TMEM150A: variants seen among roughly 807,000 people sequenced by gnomAD.
TMEM150A encodes the protein fasting-inducible integral membrane protein TM6P1.
TMEM150A carries 18 observed loss-of-function variants against 29.8 expected under a neutral mutation model. That is an observed-to-expected ratio of 0.60 (90% CI 0.42 to 0.90). The LOEUF is 0.90. TMEM150A is among the 40% of genes least tolerant of loss of function. The pLI is 0.00. For synonymous variants in TMEM150A, 127 were observed against 143.6 expected (o/e 0.88, Z 0.83); for missense variants, 251 against 349.7 (o/e 0.72, Z 2.25).
chr2:85,601,824 AAG>A lies in TMEM150A; in HGVS notation c.65+58_65+59del. The A allele has an allele frequency of 6.3e-7, 1 of 1,591,396 alleles. No homozygotes were observed. The highest frequency in any genetic ancestry group is 8.6e-7 in the Non-Finnish European group (1 of 1,160,858). On this transcript the variant is annotated intron_variant, in intron 2 of 7. Coordinates refer to ENST00000334462, the MANE Select transcript of TMEM150A (RefSeq NM_001031738.3). This position sits in a 1 kb window ranked among gnomAD's most constrained non-coding sequence, Gnocchi z 4.0. ...GGTACCACCGTGGCTATGACAGGAC[AAG>A]AGACTTTGTGTGCGTCATCAAGCTC...
Position 85,601,290 on chromosome 2 carries a change from T to C in TMEM150A, c.113+145A>G. 8.2e-7 allele frequency: 1 copy of C among 1,216,656 alleles called. No homozygotes were observed. Among genetic ancestry groups the C allele is most frequent in the Non-Finnish European group, 1.2e-6 (1 of 820,310 alleles). 75.4% of individuals were successfully genotyped at this position (1,216,656 alleles called of 1,614,324 possible). A position where few individuals can be genotyped will look rare whatever the true frequency, so the allele number is the denominator to read the frequency against. ...AAAGGGATAGTGGGAAGTGGGTAGG[T>C]GGCAAGAAGCCATGCCTGGGGACCA... On this transcript the variant is annotated intron_variant, in intron 3 of 7. Transcript: ENST00000334462. This position sits in a 1 kb window ranked among gnomAD's most constrained non-coding sequence, Gnocchi z 4.0.
chr2:85,599,310 G>T lies in TMEM150A; in HGVS notation c.582C>A (p.Val194=), dbSNP rs375409745. 1.9e-6 allele frequency: 3 copies of T among 1,613,830 alleles called. No individual in the cohort carries two copies. The African/African-American group carries it at 4.0e-5, about 22-fold the overall frequency. ...IAFITLVLSG[V]FFVHESSQLQ... is the part of the protein sequence containing the mutation. The stretch of plus-strand genomic sequence containing the variant: ...GCTGAGAACTCTCATGGACAAAGAA[G>T]ACTCCACCTAAAACGAGGCTAAGGA... The change falls in exon 8 of 8, where the codon GTC becomes GTA. Residue 194 remains valine (V), a synonymous_variant. Coordinates refer to ENST00000334462, the MANE Select transcript of TMEM150A (RefSeq NM_001031738.3). This position sits in a 1 kb window ranked among gnomAD's most constrained non-coding sequence, Gnocchi z 6.0.
rs1265510044 is a variant in TMEM150A at position 85,602,103 on chromosome 2, G to T, written c.-116-39C>A. On this transcript the variant is annotated intron_variant, in intron 1 of 7. Transcript: ENST00000334462. This position sits in a 1 kb window ranked among gnomAD's most constrained non-coding sequence, Gnocchi z 5.6. ...ATCAAAGTCCAGGAGTGGGTAACTG[G>T]CCGGGAAGGGGGAGGGGAAGGGGGT... is the stretch of plus-strand genomic sequence containing the variant. 14 of 666,692 alleles carry T rather than the reference G, an allele frequency of 2.1e-5. No individual in the cohort carries two copies. The highest frequency in any genetic ancestry group is 2.0e-4 in the South Asian group (12 of 58,724). 41.3% of individuals were successfully genotyped at this position (666,692 alleles called of 1,614,324 possible).
Position 85,601,665 on chromosome 2 carries a change from C to T in TMEM150A, c.66-183G>A. The T allele has an allele frequency of 1.2e-6, 1 of 842,434 alleles. No individual in the cohort carries two copies. The highest frequency in any genetic ancestry group is 1.6e-5 in the South Asian group (1 of 60,936). 52.2% of individuals were successfully genotyped at this position (842,434 alleles called of 1,614,324 possible). On this transcript the variant is annotated intron_variant, in intron 2 of 7. Transcript: ENST00000334462. The surrounding 1 kb of genome is among the most constrained non-coding windows in gnomAD (Gnocchi z 4.0). Reference sequence around the variant, plus strand: ...CCTGCAGCATGCCCCCAGCTACAGGCCCTCTGGAAATTGCCCTGGCTAGAA... The same window carrying T: ...CCTGCAGCATGCCCCCAGCTACAGGTCCTCTGGAAATTGCCCTGGCTAGAA...
At position 85,599,196 on chromosome 2, in the gene TMEM150A, G is replaced by C. The variant is rs1324329663; in HGVS notation, c.696C>G (p.Val232=). 5.6e-6 allele frequency: 9 copies of C among 1,613,898 alleles called. No individual in the cohort carries two copies. Among genetic ancestry groups the C allele is most frequent in the Middle Eastern group, 3.3e-4 (2 of 6,062 alleles). The change falls in exon 8 of 8, where the codon GTC becomes GTG. Residue 232 remains valine (V), a synonymous_variant. Coordinates refer to ENST00000334462, the MANE Select transcript of TMEM150A (RefSeq NM_001031738.3). The surrounding 1 kb of genome is among the most constrained non-coding windows in gnomAD (Gnocchi z 6.0). ...GTGCAGCCACCAGTGTGTCTGAGGA[G>C]ACTGCCCCAAACTCGTAGCTGAAGG... ...YGTFSYEFGA[V]SSDTLVAALQ...
intron 4 of TMEM150A, 102 bp downstream of exon 4, chr2:85,600,919 T>C (rs2104097541): frequency 1.8e-6 from 2 of 1,082,674 alleles, no homozygotes. Context: ...AAGTGGCTCT[T>C]AGGATACTTA....
chr2:85,601,039 TCCAGGGTGC>T lies in TMEM150A; in HGVS notation c.173_181del (p.Cys58_Asp61delinsTyr). On this transcript the variant is annotated inframe_deletion, in exon 4 of 8. Coordinates refer to ENST00000334462, the MANE Select transcript of TMEM150A (RefSeq NM_001031738.3). The surrounding 1 kb of genome is among the most constrained non-coding windows in gnomAD (Gnocchi z 4.0). ...GCCTTACCTGATGAGGGGGACATCG[TCCAGGGTGC>T]AGCAGGTCTTGGGACCCCCTTGCTC... 6.2e-7 allele frequency: 1 copy of T among 1,612,718 alleles called. No individual in the cohort carries two copies. Among genetic ancestry groups the T allele is most frequent in the South Asian group, 1.1e-5 (1 of 90,982 alleles).
At position 85,599,365 on chromosome 2, in the gene TMEM150A, C is replaced by A. The variant is rs780188153; in HGVS notation, c.575-48G>T. On this transcript the variant is annotated intron_variant, in intron 7 of 7. Coordinates refer to ENST00000334462, the MANE Select transcript of TMEM150A (RefSeq NM_001031738.3). This position sits in a 1 kb window ranked among gnomAD's most constrained non-coding sequence, Gnocchi z 6.0. ...TTCAGTAGGACATACGGAAACCTGG[C>A]AACACCCCTTCTGCAGTCTCAGGCC... 6 of 1,606,118 alleles carry A rather than the reference C, an allele frequency of 3.7e-6. No homozygotes were observed. The African/African-American group carries it at 8.0e-5, about 22-fold the overall frequency.
chr2:85,601,380 G>A lies in TMEM150A; in HGVS notation c.113+55C>T, dbSNP rs890191721. 6 of 1,603,540 alleles carry A rather than the reference G, an allele frequency of 3.7e-6. No individual in the cohort carries two copies. The African/African-American group carries it at 4.0e-5, about 11-fold the overall frequency. The stretch of plus-strand genomic sequence containing the variant: ...GCTCGTGGCAGCCTCAGGCCCAAGA[G>A]GGGACAGAGATGAAGGAAGCTTTAG... On this transcript the variant is annotated intron_variant, in intron 3 of 7. Transcript: ENST00000334462. The surrounding 1 kb of genome is among the most constrained non-coding windows in gnomAD (Gnocchi z 4.0).
chr2:85,601,080 G>A lies in TMEM150A; in HGVS notation c.141C>T (p.Asp47=), dbSNP rs139036419. The A allele has an allele frequency of 3.7e-6, 6 of 1,612,606 alleles. No individual in the cohort carries two copies. The African/African-American group carries it at 5.3e-5, about 14-fold the overall frequency. The change falls in exon 4 of 8, where the codon GAC becomes GAT. Residue 47 remains aspartate (D), a synonymous_variant. Coordinates refer to ENST00000334462, the MANE Select transcript of TMEM150A (RefSeq NM_001031738.3). The surrounding 1 kb of genome is among the most constrained non-coding windows in gnomAD (Gnocchi z 4.0). ...TCTTGGGACCCCCTTGCTCAGCAGG[G>A]TCAGGAGGGCAGGACTCGTTGTAGG... is the stretch of plus-strand genomic sequence containing the variant. ...NWSYNESCPP[D]PAEQGGPKTC... is the part of the protein sequence containing the mutation.
At position 85,601,994 on chromosome 2, in the gene TMEM150A, A is replaced by C; in HGVS notation, c.-46T>G. On this transcript the variant is annotated 5_prime_UTR_variant, in exon 2 of 8. Coordinates refer to ENST00000334462, the MANE Select transcript of TMEM150A (RefSeq NM_001031738.3). This position sits in a 1 kb window ranked among gnomAD's most constrained non-coding sequence, Gnocchi z 4.0. ...GTGGTGGTGTTGGGGGGAGGACAAG[A>C]GGTAGATGGGGAAGTGGGGGCGGAC... 6.3e-7 allele frequency: 1 copy of C among 1,586,588 alleles called. No individual in the cohort carries two copies. The highest frequency in any genetic ancestry group is 1.7e-4 in the Middle Eastern group (1 of 5,996).
chr2:85,600,635 G>C, intron 4 of TMEM150A: 2 of 578,848 alleles, frequency 3.5e-6, no homozygotes, highest in South Asian at 2.1e-5. Context: ...AGGAGTGTTC[G>C]GGCAACCCTG....
rs754857872 is a variant in TMEM150A, at chr2:85,601,422, G to A, written c.113+13C>T. The A allele has an allele frequency of 4.3e-6, 7 of 1,613,834 alleles. No individual in the cohort carries two copies. In the South Asian group the frequency reaches 7.7e-5, roughly 18 times the overall value. ...AAGCTTTAGAGCAAGGTTGTCTGCA[G>A]AGTCCTTCATACCAGTTCTCCACAG... On this transcript the variant is annotated intron_variant, in intron 3 of 7. Coordinates refer to ENST00000334462, the MANE Select transcript of TMEM150A (RefSeq NM_001031738.3). The surrounding 1 kb of genome is among the most constrained non-coding windows in gnomAD (Gnocchi z 4.0).
rs890655854 is a variant in TMEM150A at position 85,601,747 on chromosome 2, G to C, written c.65+137C>G. 2 of 1,055,044 alleles carry C rather than the reference G, an allele frequency of 1.9e-6. No homozygotes were observed. The highest frequency in any genetic ancestry group is 2.9e-6 in the Non-Finnish European group (2 of 697,798). The allele number at this position is 1,055,044 out of a possible 1,614,324, so 65.4% of individuals were successfully genotyped here. On this transcript the variant is annotated intron_variant, in intron 2 of 7. Coordinates refer to ENST00000334462, the MANE Select transcript of TMEM150A (RefSeq NM_001031738.3). This position sits in a 1 kb window ranked among gnomAD's most constrained non-coding sequence, Gnocchi z 4.0. ...CAGTGGTGCCAGCTTGTCCCAAGGG[G>C]CTGTGTGCCCAGGCACCAAGTCAGG...
At position 85,599,105 on chromosome 2, in the gene TMEM150A, A is replaced by C. The variant is rs1377332508; in HGVS notation, c.787T>G (p.Cys263Gly). 1 of 1,613,770 alleles carries C rather than the reference A, an allele frequency of 6.2e-7. No individual in the cohort carries two copies. Among genetic ancestry groups the C allele is most frequent in the South Asian group, 1.1e-5 (1 of 91,050 alleles). The change falls in exon 8 of 8, where the codon TGT (cysteine) becomes GGT (glycine). Residue 263 changes from cysteine to glycine, a missense_variant. Coordinates refer to ENST00000334462, the MANE Select transcript of TMEM150A (RefSeq NM_001031738.3). The surrounding 1 kb of genome is among the most constrained non-coding windows in gnomAD (Gnocchi z 6.0). Reference sequence around the variant, plus strand: ...ATCATAGCGATGCTCTCGGGGGCACAGTTGAGGTGGGTGGAGGTGCTGCTG... The same window carrying C: ...ATCATAGCGATGCTCTCGGGGGCACCGTTGAGGTGGGTGGAGGTGCTGCTG... ...GSSSTSTHLN[C>G]APESIAMI
Position 85,599,837 on chromosome 2 carries a change from C to A in TMEM150A, c.396+54G>T. The stretch of plus-strand genomic sequence containing the variant: ...CAACCTTGAGGTGCCACACTGCAGG[C>A]AGCCAGGCCTTGTTAGGTAAAGTTT... On this transcript the variant is annotated intron_variant, in intron 6 of 7. Transcript: ENST00000334462. The surrounding 1 kb of genome is among the most constrained non-coding windows in gnomAD (Gnocchi z 6.0). The A allele has an allele frequency of 6.2e-7, 1 of 1,611,406 alleles. No individual in the cohort carries two copies. Among genetic ancestry groups the A allele is most frequent in the Non-Finnish European group, 8.5e-7 (1 of 1,179,050 alleles).
rs760410475 is a variant in TMEM150A at position 85,600,006 on chromosome 2, C to G, written c.281G>C (p.Cys94Ser). 3 of 1,612,556 alleles carry G rather than the reference C, an allele frequency of 1.9e-6. No individual in the cohort carries two copies. The South Asian group carries it at 3.3e-5, about 18-fold the overall frequency. ...NMGAFMVALI[C>S]LLRYGQLLEQ... ...CAGGAGCTGCCCGTAGCGCAGGAGG[C>G]AGATCAGGGCCACTGGGGGAGGAGA... Residue 94 changes from cysteine (C) to serine (S), a missense_variant, in exon 6 of 8, where the codon TGC (cysteine) becomes TCC (serine). By Grantham distance (112) the Cys-to-Ser change is moderately radical. Coordinates refer to ENST00000334462, the MANE Select transcript of TMEM150A (RefSeq NM_001031738.3).
At chr2:85,600,272 G>A (rs1672859857) in intron 5 of TMEM150A, 73 bp downstream of exon 5, 5 of 1,554,706 alleles carry the variant, frequency 3.2e-6, no homozygotes, top group Middle Eastern at 3.4e-4. Flanking sequence ...CTGCACAGAA[G>A]GGCTTCCTGG....
chr2:85,600,406 A>G lies in TMEM150A; in HGVS notation c.207T>C (p.Cys69=), dbSNP rs372551378. The G allele has an allele frequency of 6.2e-7, 1 of 1,613,876 alleles. No individual in the cohort carries two copies. Among genetic ancestry groups the G allele is most frequent in the Non-Finnish European group, 8.5e-7 (1 of 1,179,996 alleles). ...TLDDVPLISK[C]GSYPPESCLF... ...GGCAGCTTTCTGGGGGATAGGAGCC[A>G]CACTTGCTGCGAGGAGGGGGAAGGA... Residue 69 remains cysteine (C), a synonymous_variant, in exon 5 of 8, where the codon TGT becomes TGC. Coordinates refer to ENST00000334462, the MANE Select transcript of TMEM150A (RefSeq NM_001031738.3).
Sources: gnomAD v4.1 joint callset for allele counts on GRCh38, gnomAD v4.1.1 for gene constraint, Gnocchi (gnomAD v3.1) non-coding constraint, MANE v1.5 for transcripts, NCBI Gene and HGNC (gene_info 2026-07-23, HGNC 2026-07-21) for gene names.